The following MOK variants were observed in gnomAD, a reference collection of about 807,000 sequenced individuals.
The protein encoded by MOK is MOK protein kinase, also known as MAPK/MAK/MRK overlapping kinase.
In MOK, 59 loss-of-function variants were observed where a neutral mutation model predicts 54.2. The ratio of observed to expected loss-of-function variants is 1.09; its 90% CI spans 0.88 to 1.35. The LOEUF (loss-of-function observed/expected upper bound fraction) is 1.35. MOK is among the 40% of genes most tolerant of loss of function. The pLI is 0.00. For synonymous variants in MOK, 210 were observed against 202.7 expected (o/e 1.04, Z -0.31); for missense variants, 517 against 526.2 (o/e 0.98, Z 0.17).
intron 7 of MOK, among the ~76,000 whole-genome samples, chr14:102,234,406 C>T (rs539986219): frequency 6.6e-6 from 1 of 152,212 alleles, no homozygotes; most frequent in African/African-American, 2.4e-5. Context: ...GAGACTGTTG[C>T]CATTCCCTGA....
intron 1 of MOK, among the ~76,000 whole-genome samples, chr14:102,296,618 A>G (rs991376530): frequency 7.2e-5 from 11 of 152,182 alleles, no homozygotes; most frequent in African/African-American, 2.4e-4. Context: ...CAGTTGCTAG[A>G]TAATGCATCT....
At position 102,250,904 on chromosome 14, in the gene MOK, C is replaced by T; in HGVS notation, c.498G>A (p.Trp166Ter). The T allele has an allele frequency of 6.2e-7, 1 of 1,614,074 alleles. No homozygotes were observed. The highest frequency in any genetic ancestry group is 8.5e-7 in the Non-Finnish European group (1 of 1,180,032). Residue 166 changes from tryptophan to a stop codon, truncating the protein, a stop_gained, in exon 7 of 12, where the codon TGG (tryptophan) becomes TGA (stop). Coordinates refer to ENST00000361847, the MANE Select transcript of MOK (RefSeq NM_014226.3). LOFTEE classifies it high-confidence loss of function. ...TGAGGAGACACTCCGGGGCCCGGTA[C>T]CAGCGGGTGGAGATGTATTCCGTGT... ...QPYTEYISTRWYRAPECLLTD... is the reference protein window; with the variant it reads ...QPYTEYISTR
At chr14:102,239,547 C>T (rs2065531687) in intron 7 of MOK, among the ~76,000 whole-genome samples, 3 of 151,646 alleles carry the variant, frequency 2.0e-5, no homozygotes, top group Admixed American at 2.0e-4. Context: ...CTGACCAGAC[C>T]CTCCTACCAG....
downstream of MOK, among the ~76,000 whole-genome samples, chr14:102,227,765 G>A (rs191508347): frequency 4.6e-3 from 703 of 152,218 alleles, 6 homozygotes; most frequent in African/African-American, 0.016. Context: ...TCCTCCTCCA[G>A]CCTGCCCTCC....
chr14:102,282,448 C>T (rs2069544648), intron 2 of MOK, among the ~76,000 whole-genome samples: 1 of 152,004 alleles, frequency 6.6e-6, no homozygotes, highest in African/African-American at 2.4e-5. Flanking sequence ...AGAAGTCCAA[C>T]ACACAGCCAG....
At position 102,233,728 on chromosome 14, in the gene MOK, T is replaced by C. The variant is rs74082261; in HGVS notation, c.652A>G (p.Ile218Val). 4.5e-5 allele frequency: 72 copies of C among 1,614,158 alleles called. No homozygotes were observed. The African/African-American group carries it at 9.1e-4, about 20-fold the overall frequency. The change falls in exon 8 of 12, where the codon ATC becomes GTC. Residue 218 changes from isoleucine (I) to valine (V), a missense_variant. Physicochemically the swap from Ile to Val is conservative, Grantham distance 29. Transcript: ENST00000361847. The stretch of plus-strand genomic sequence containing the variant: ...AGGATCTTCTGAGCGGGTGTGCCGA[T>C]GACATCGTGGATTTTTGAGATTTGG... Reference protein sequence around the residue: ...LDQISKIHDVIGTPAQKILTK... With the variant: ...LDQISKIHDVVGTPAQKILTK...
chr14:102,236,496 C>T lies in MOK; in HGVS notation c.591-2707G>A, dbSNP rs1473040893. On this transcript the variant is annotated intron_variant, in intron 7 of 11. Coordinates refer to ENST00000361847, the MANE Select transcript of MOK (RefSeq NM_014226.3). The surrounding 1 kb of genome is among the most constrained non-coding windows in gnomAD (Gnocchi z 4.5). ...TTCCTTATCATGCCTCGTTGCCCTA[C>T]CCCCATCCTAGGCCAAATTCAAAGC... Among the ~76,000 whole-genome samples, 1 of 152,178 alleles carries T rather than the reference C, an allele frequency of 6.6e-6. No individual in the cohort carries two copies. Among genetic ancestry groups the T allele is most frequent in the African/African-American group, 2.4e-5 (1 of 41,432 alleles).
At chr14:102,253,716 CCT>C (rs143728712) in intron 4 of MOK, among the ~76,000 whole-genome samples, 84 of 152,296 alleles carry the variant, frequency 5.5e-4, no homozygotes, top group African/African-American at 1.7e-3. Context: ...ACAGTTTACC[CCT>C]GTTCCAGAAG....
At position 102,233,716 on chromosome 14, in the gene MOK, C is replaced by T. The variant is rs374797176; in HGVS notation, c.664G>A (p.Ala222Thr). Residue 222 changes from alanine to threonine, a missense_variant, in exon 8 of 12, where the codon GCT (alanine) becomes ACT (threonine). Ala to Thr is a moderately conservative substitution (Grantham distance 58). Transcript: ENST00000361847. ...TTGAACTTGGTGAGGATCTTCTGAG[C>T]GGGTGTGCCGATGACATCGTGGATT... ...SKIHDVIGTPAQKILTKFKQS... is the reference protein window; with the variant it reads ...SKIHDVIGTPTQKILTKFKQS... 33 of 1,613,584 alleles carry T rather than the reference C, an allele frequency of 2.0e-5. No homozygotes were observed. Among genetic ancestry groups the T allele is most frequent in the African/African-American group, 1.9e-4 (14 of 74,892 alleles).
chr14:102,264,146 G>A (rs557911862), intron 3 of MOK: 1 of 151,370 alleles, frequency 6.6e-6, no homozygotes, highest in East Asian at 1.9e-4. Context: ...GGGAGGCGGA[G>A]GTTGCAGTGA....
At chr14:102,221,248 C>T (rs2063855491), downstream of MOK, among the ~76,000 whole-genome samples, 1 of 152,242 alleles carries the variant, frequency 6.6e-6, no homozygotes, top group East Asian at 1.9e-4. This position sits in a 1 kb window ranked among gnomAD's most constrained non-coding sequence, Gnocchi z 4.8. Context: ...GTCACCACCA[C>T]TTTCTCCCTC....
intron 1 of MOK, among the ~76,000 whole-genome samples, chr14:102,292,970 C>T (rs1317297745): frequency 1.3e-5 from 2 of 151,944 alleles, no homozygotes; most frequent in Admixed American, 6.6e-5. Flanking sequence ...CCCATCTCTA[C>T]TAAAAATACA....
intron 7 of MOK, among the ~76,000 whole-genome samples, chr14:102,248,961 A>G (rs1364347724): frequency 6.6e-6 from 1 of 151,906 alleles, no homozygotes; most frequent in Admixed American, 6.6e-5. Flanking sequence ...CAGTCAGGAC[A>G]TGGCCATGGG....
At chr14:102,224,037 A>ATTTTTTTTT (rs533802492), downstream of MOK, among the ~76,000 whole-genome samples, 1 of 123,124 alleles carries the variant, frequency 8.1e-6, no homozygotes, top group Non-Finnish European at 1.7e-5. Context: ...TTTACCTGAG[A>ATTTTTTTTT]TTTTTTTTTT....
At chr14:102,254,553 C>T (rs2066777763) in intron 4 of MOK, among the ~76,000 whole-genome samples, 1 of 152,194 alleles carries the variant, frequency 6.6e-6, no homozygotes, top group African/African-American at 2.4e-5. Context: ...AACCCAGTCT[C>T]ACTGCTCCCG....
At chr14:102,292,287 C>A (rs1371511073) in intron 1 of MOK, among the ~76,000 whole-genome samples, 1 of 151,958 alleles carries the variant, frequency 6.6e-6, no homozygotes, top group Non-Finnish European at 1.5e-5. Flanking sequence ...TCCTGGCTAA[C>A]ACGGTGAAAC....
At chr14:102,215,128 C>A in the MOK span, 2 of 396,320 alleles carry the variant, frequency 5.0e-6, no homozygotes, top group Non-Finnish European at 6.8e-6. Context: ...GAACAGCCAG[C>A]CACCGGAATT....
chr14:102,285,115 G>C (rs2069897091), intron 1 of MOK, among the ~76,000 whole-genome samples: 1 of 150,988 alleles, frequency 6.6e-6, no homozygotes, highest in Admixed American at 6.6e-5. Context: ...ATGCAGGCTT[G>C]AGAACTAGAT....
chr14:102,239,438 A>AGTCCC (rs1237591823), intron 7 of MOK, among the ~76,000 whole-genome samples: 1 of 151,810 alleles, frequency 6.6e-6, no homozygotes, highest in Non-Finnish European at 1.5e-5. Flanking sequence ...CCTCCTTCTG[A>AGTCCC]TTCTCAATTA....
Sources: gnomAD v4.1 joint callset for allele counts (sites outside exome capture counted in the v4.1 genomes callset) on GRCh38, gnomAD v4.1.1 for gene constraint, Gnocchi (gnomAD v3.1) non-coding constraint, MANE v1.5 for transcripts, NCBI Gene and HGNC (gene_info 2026-07-23, HGNC 2026-07-21) for gene names.